Variants in PTP4A1 observed in about 807,000 individuals in gnomAD.
PTP4A1 encodes the protein protein tyrosine phosphatase 4A1, also known as protein tyrosine phosphatase type IVA 1.
PTP4A1 carries 9 observed loss-of-function variants against 20.5 expected under a neutral mutation model. The ratio of observed to expected loss-of-function variants is 0.44; its 90% confidence interval spans 0.26 to 0.77. PTP4A1 has a LOEUF of 0.77. Ranked by LOEUF, PTP4A1 falls within the 30% of genes least tolerant of loss-of-function variation. PTP4A1 has a pLI of 0.19. For missense variants in PTP4A1, 137 were observed against 218.8 expected (o/e 0.63, Z 2.36); for synonymous variants, 78 against 67.4 (o/e 1.16, Z -0.77).
At chr6:63,576,310 CGAT>C (rs1269724774) in intron 1 of PTP4A1, 123 bp from the exon 2 acceptor site, 1 of 386,964 alleles carries the variant, frequency 2.6e-6, no homozygotes, top group South Asian at 1.4e-4. Context: ...AAGTAAAAGT[CGAT>C]GAAGCGGCTC....
intron 2 of PTP4A1, among the ~76,000 whole-genome samples, chr6:63,577,991 G>GTATTT (rs57389762): frequency 0.53 from 80,761 of 151,108 alleles, 23,314 homozygotes; most frequent in African/African-American, 0.76. Flanking sequence ...TTCATTCAAT[G>GTATTT]TAAATCAGTA....
At chr6:63,522,477 T>A (rs1215187656) in intron 1 of PTP4A1, among the ~76,000 whole-genome samples, 1 of 152,202 alleles carries the variant, frequency 6.6e-6, no homozygotes, top group African/African-American at 2.4e-5. Context: ...GAGCTCTTTA[T>A]CACCCTCGCC....
At chr6:63,534,551 A>C (rs1001651876) in intron 2 of PTP4A1, among the ~76,000 whole-genome samples, 1 of 152,010 alleles carries the variant, frequency 6.6e-6, no homozygotes, top group Non-Finnish European at 1.5e-5. Flanking sequence ...GCAGTGGCTC[A>C]AGTCTATAAT....
At chr6:63,557,410 A>G (rs533803485) in intron 3 of PTP4A1, among the ~76,000 whole-genome samples, 2 of 152,186 alleles carry the variant, frequency 1.3e-5, no homozygotes. Context: ...TACTAAAAAT[A>G]CAAAAATTAT....
chr6:63,578,249 TTTATA>T (rs1252076385), intron 2 of PTP4A1, among the ~76,000 whole-genome samples, 183 bp from the exon 3 acceptor site: 1 of 152,228 alleles, frequency 6.6e-6, no homozygotes, highest in Non-Finnish European at 1.5e-5. Flanking sequence ...CACTTTTCTT[TTTATA>T]TTCTAGCATT....
intron 1 of PTP4A1, among the ~76,000 whole-genome samples, chr6:63,523,236 G>A (rs979536019): frequency 2.6e-5 from 4 of 151,944 alleles, no homozygotes; most frequent in Non-Finnish European, 5.9e-5. Flanking sequence ...TAAGTGTCTA[G>A]GATGTTTATT....
upstream of PTP4A1, among the ~76,000 whole-genome samples, chr6:63,568,816 C>G (rs1777294460): frequency 6.6e-6 from 1 of 152,068 alleles, no homozygotes; most frequent in African/African-American, 2.4e-5. Flanking sequence ...CTGACAGCAG[C>G]CATGGCATAC....
chr6:63,575,442 A>G (rs556031828), intron 1 of PTP4A1, among the ~76,000 whole-genome samples: 10 of 152,308 alleles, frequency 6.6e-5, no homozygotes, highest in African/African-American at 2.4e-4. Flanking sequence ...TGCTGTGACT[A>G]TTGGTTTAAT....
At position 63,551,855 on chromosome 6, in the gene PTP4A1, C is replaced by T. The variant is rs189504519; in HGVS notation, c.-446+1362C>T. Among the ~76,000 whole-genome samples the T allele has an allele frequency of 9.5e-3, 1,443 of 152,272 alleles. 12 individuals are homozygous for T. Among genetic ancestry groups the T allele is most frequent in the South Asian group, 0.038 (185 of 4,822 alleles). Reference sequence around the variant, plus strand: ...ATGGTTTCCAGCTTCATCCACGTCCCTACAAAGGACATGAACTCATCATTT... The same window carrying T: ...ATGGTTTCCAGCTTCATCCACGTCCTTACAAAGGACATGAACTCATCATTT... On this transcript the variant is annotated intron_variant, in intron 3 of 3. Transcript: ENST00000639568.
intron 3 of PTP4A1, among the ~76,000 whole-genome samples, chr6:63,556,344 C>CT (rs896768424): frequency 1.1e-4 from 16 of 149,120 alleles, no homozygotes; most frequent in African/African-American, 2.0e-4. Flanking sequence ...TTGCCTTTTT[C>CT]TTTTTTTTTC....
intron 3 of PTP4A1, among the ~76,000 whole-genome samples, chr6:63,557,046 A>G (rs1776717708): frequency 6.6e-6 from 1 of 152,222 alleles, no homozygotes; most frequent in African/African-American, 2.4e-5. Flanking sequence ...CTAGTTTCTT[A>G]TTAAATACTT....
In PTP4A1 at chr6:63,581,223, A is replaced by C. The variant is rs904678828; in HGVS notation, c.*1049A>C. On this transcript the variant is annotated 3_prime_UTR_variant, in exon 6 of 6. Coordinates refer to ENST00000626021, the MANE Select transcript of PTP4A1 (RefSeq NM_003463.5). ...GAATTGAGCAGACATCTAATATTTT[A>C]TATGCCTTTTGAGCTGTGTAACTTA... The C allele has an allele frequency of 6.6e-6, 1 of 152,488 alleles. No individual in the cohort carries two copies. The highest frequency in any genetic ancestry group is 2.4e-5 in the African/African-American group (1 of 41,412). 9.4% of individuals were successfully genotyped at this position (152,488 alleles called of 1,614,324 possible).
intron 2 of PTP4A1, among the ~76,000 whole-genome samples, chr6:63,540,754 T>C (rs1270674726): frequency 5.3e-5 from 8 of 151,936 alleles, no homozygotes; most frequent in Non-Finnish European, 1.0e-4. Context: ...AGAATGGTTA[T>C]GAGGGTGGCG....
intron 1 of PTP4A1, among the ~76,000 whole-genome samples, chr6:63,575,495 C>G (rs887933725): frequency 1.3e-5 from 2 of 152,032 alleles, no homozygotes; most frequent in Non-Finnish European, 2.9e-5. Flanking sequence ...TAAGGGGGAA[C>G]TTAGAGAAAA....
Position 63,582,649 on chromosome 6 carries a change from T to C in PTP4A1, c.*2475T>C, listed in dbSNP as rs2149520667. 6.6e-6 allele frequency: 1 copy of C among 152,360 alleles called. No individual in the cohort carries two copies. The highest frequency in any genetic ancestry group is 1.9e-4 in the East Asian group (1 of 5,192). 9.4% of individuals were successfully genotyped at this position (152,360 alleles called of 1,614,324 possible). A position where few individuals can be genotyped will look rare whatever the true frequency, so the allele number is the denominator to read the frequency against. On this transcript the variant is annotated 3_prime_UTR_variant, in exon 6 of 6. Coordinates refer to ENST00000626021, the MANE Select transcript of PTP4A1 (RefSeq NM_003463.5). ...GATACCCTTAGTGGGATGATGTAAA[T>C]AGAGGCTAGCTACCTAGGCTTGTCT...
At chr6:63,535,710 G>A (rs1165146881) in intron 2 of PTP4A1, among the ~76,000 whole-genome samples, 1 of 152,128 alleles carries the variant, frequency 6.6e-6, no homozygotes, top group Non-Finnish European at 1.5e-5. Context: ...TAGTCACAAG[G>A]ATTGTGCCTT....
chr6:63,549,149 CT>C (rs2149488892), intron 2 of PTP4A1: 2 of 685,848 alleles, frequency 2.9e-6, no homozygotes. Flanking sequence ...CAGCAGCTTT[CT>C]TTTTGGCCAG....
At chr6:63,518,767 A>G (rs538552041), upstream of PTP4A1, among the ~76,000 whole-genome samples, 1 of 152,380 alleles carries the variant, frequency 6.6e-6, no homozygotes, top group African/African-American at 2.4e-5. Flanking sequence ...TGCAATAATC[A>G]TAAATGTACC....
intron 2 of PTP4A1, among the ~76,000 whole-genome samples, chr6:63,543,589 G>A (rs182212769): frequency 1.6e-4 from 25 of 152,310 alleles, no homozygotes; most frequent in Non-Finnish European, 2.9e-4. Flanking sequence ...ATGATTGAAT[G>A]TGAGGAAGGA....
Sources: allele counts gnomAD v4.1 joint callset (sites outside exome capture counted in the v4.1 genomes callset), GRCh38; gene constraint gnomAD v4.1.1; transcripts MANE v1.5; gene names NCBI Gene and HGNC (gene_info 2026-07-23, HGNC 2026-07-21).